The following HCN4 variants were observed in gnomAD, a reference collection of about 807,000 sequenced individuals.
HCN4 encodes the protein potassium/sodium hyperpolarization-activated cyclic nucleotide-gated channel 4.
Under a neutral mutation model 76.9 loss-of-function variants are expected in HCN4, and 29 were observed. The observed-to-expected ratio is 0.38, with a 90% CI of 0.28 to 0.51. The LOEUF (loss-of-function observed/expected upper bound fraction) is 0.51, where lower values mean the gene tolerates loss of function less well. HCN4 is among the 20% of genes least tolerant of loss of function. The pLI is 0.90. For missense variants in HCN4, 1,416 were observed against 1,715.2 expected, an observed-to-expected ratio of 0.83 and a Z score of 3.08; for synonymous variants, 772 against 762.5, an observed-to-expected ratio of 1.01 and a Z score of -0.21.
In HCN4 at chr15:73,367,575, C is replaced by A; in HGVS notation, c.696G>T (p.Arg232Ser). Reference sequence around the variant, plus strand: ...CCACGGCTTTCTGGCTGCCGAACATCCTTAGGGAGAATTTGTTGACCCCGG... The same window carrying A: ...CCACGGCTTTCTGGCTGCCGAACATACTTAGGGAGAATTTGTTGACCCCGG... ...LQPGVNKFSL[R>S]MFGSQKAVER... is the part of the protein sequence containing the mutation. The change falls in exon 1 of 8, where the codon AGG becomes AGT. Residue 232 changes from arginine to serine, a missense_variant. By Grantham distance (110) the Arg-to-Ser change is moderately radical. Around this residue, in one of 6 missense-constraint regions of HCN4, gnomAD observed 52 missense variants for 129.1 expected, o/e 0.40. Transcript: ENST00000261917. This position sits in a 1 kb window ranked among gnomAD's most constrained non-coding sequence, Gnocchi z 7.5. The A allele has an allele frequency of 6.2e-7, 1 of 1,614,018 alleles. No individual in the cohort carries two copies. Among genetic ancestry groups the A allele is most frequent in the Non-Finnish European group, 8.5e-7 (1 of 1,180,030 alleles).
At chr15:73,336,288 G>A (rs955552280) in intron 2 of HCN4, among the ~76,000 whole-genome samples, 1 of 152,096 alleles carries the variant, frequency 6.6e-6, no homozygotes, top group Non-Finnish European at 1.5e-5. Context: ...CAAAGTCTAG[G>A]GCATCTCTGG....
chr15:73,326,446 G>C (rs538635906), intron 4 of HCN4, among the ~76,000 whole-genome samples: 156 of 152,346 alleles, frequency 1.0e-3, no homozygotes, highest in Middle Eastern at 0.01. Flanking sequence ...CCAGGGGACA[G>C]TGACTTCCTG....
intron 3 of HCN4, among the ~76,000 whole-genome samples, chr15:73,331,155 G>A (rs1417735808): frequency 6.6e-6 from 1 of 152,184 alleles, no homozygotes; most frequent in Admixed American, 6.5e-5. Flanking sequence ...GATCCAGGGT[G>A]TCTTCTGTCC....
chr15:73,356,379 T>C lies in HCN4; in HGVS notation c.785+11107A>G, dbSNP rs1373669596. On this transcript the variant is annotated intron_variant, in intron 1 of 7. Transcript: ENST00000261917. The stretch of plus-strand genomic sequence containing the variant: ...ATTTTTCTTTCTTTTCTTTTCTTTT[T>C]TTTTTTTTTTTTTTGTAGAGGTAGG... 9.0e-3 allele frequency among the ~76,000 whole-genome samples: 1,304 copies of C among 144,188 alleles called. 16 individuals carry two copies. Among genetic ancestry groups the C allele is most frequent in the African/African-American group, 0.031 (1,213 of 38,988 alleles). The allele number at this position is 144,188 out of a possible 152,430, so 94.6% of individuals were successfully genotyped here.
At position 73,368,389 on chromosome 15, in the gene HCN4, G is replaced by A. The variant is rs1369692164; in HGVS notation, c.-119C>T. 4.7e-6 allele frequency: 3 copies of A among 641,160 alleles called. No homozygotes were observed. The highest frequency in any genetic ancestry group is 3.9e-5 in the African/African-American group (2 of 51,578). The allele number at this position is 641,160 out of a possible 1,614,324, so 39.7% of individuals were successfully genotyped here. A position where few individuals can be genotyped will look rare whatever the true frequency, so the allele number is the denominator to read the frequency against. ...GACGCGTCCTTTGCCGCCGGCGTGGGGGCAGCCTCAGGCGCCCATGCTTGG... is the reference window on the plus strand; with the variant it reads ...GACGCGTCCTTTGCCGCCGGCGTGGAGGCAGCCTCAGGCGCCCATGCTTGG... On this transcript the variant is annotated 5_prime_UTR_variant, in exon 1 of 8. Transcript: ENST00000261917. This position sits in a 1 kb window ranked among gnomAD's most constrained non-coding sequence, Gnocchi z 6.9.
chr15:73,324,394 A>T, intron 6 of HCN4, 141 bp from the exon 7 acceptor site: 1 of 853,468 alleles, frequency 1.2e-6, no homozygotes, highest in Non-Finnish European at 1.9e-6. Flanking sequence ...CTGCGGCCAC[A>T]CTGGATGCCT....
chr15:73,366,362 G>C (rs2151227958), intron 1 of HCN4, among the ~76,000 whole-genome samples: 1 of 152,220 alleles, frequency 6.6e-6, no homozygotes, highest in South Asian at 2.1e-4. Flanking sequence ...CATTTTTATA[G>C]GCAGGCAACT....
In HCN4 at chr15:73,320,045, T is replaced by C. The variant is rs1379967032; in HGVS notation, c.*2436A>G. The stretch of plus-strand genomic sequence containing the variant: ...AGAGCTATTATAAAATGCATGTGTG[T>C]GTAAGTAGAGAAGAGGGTGGTTAGG... On this transcript the variant is annotated 3_prime_UTR_variant, in exon 8 of 8. Coordinates refer to ENST00000261917, the MANE Select transcript of HCN4 (RefSeq NM_005477.3). The C allele has an allele frequency of 1.3e-5, 2 of 152,176 alleles. No homozygotes were observed. Among genetic ancestry groups the C allele is most frequent in the Non-Finnish European group, 2.9e-5 (2 of 68,108 alleles). 9.4% of individuals were successfully genotyped at this position (152,176 alleles called of 1,614,324 possible). A position where few individuals can be genotyped will look rare whatever the true frequency, so the allele number is the denominator to read the frequency against.
intron 1 of HCN4, among the ~76,000 whole-genome samples, chr15:73,366,609 C>G (rs2043129471): frequency 6.6e-6 from 1 of 152,196 alleles, no homozygotes; most frequent in Non-Finnish European, 1.5e-5. Context: ...CACAAGCTCC[C>G]AGTGGTATCT....
At chr15:73,348,952 C>T (rs540655661) in intron 1 of HCN4, among the ~76,000 whole-genome samples, 1 of 152,346 alleles carries the variant, frequency 6.6e-6, no homozygotes, top group African/African-American at 2.4e-5. Flanking sequence ...TCATCCTCCT[C>T]AAAGCTGAAT....
intron 1 of HCN4, among the ~76,000 whole-genome samples, chr15:73,352,142 G>A (rs967792933): frequency 1.3e-5 from 2 of 152,188 alleles, no homozygotes; most frequent in Admixed American, 6.5e-5. Context: ...CTCTGAAGTC[G>A]GCGCAGTACC....
chr15:73,366,738 G>A (rs2043129962), intron 1 of HCN4, among the ~76,000 whole-genome samples: 1 of 152,246 alleles, frequency 6.6e-6, no homozygotes, highest in African/African-American at 2.4e-5. Flanking sequence ...AGCAGATGCT[G>A]GAGCTTGGGT....
At chr15:73,364,237 G>A (rs913201474) in intron 1 of HCN4, among the ~76,000 whole-genome samples, 5 of 151,926 alleles carry the variant, frequency 3.3e-5, no homozygotes, top group Non-Finnish European at 5.9e-5. Context: ...CAGAACTGAC[G>A]TTCCACACAG....
Position 73,325,574 on chromosome 15 carries a change from A to G in HCN4, c.1591-130T>C. ...TTTCCTGGCTAAACTTGGTTCCTTG[A>G]GATCTGAGGTCTACAGTGTGGAAAT... On this transcript the variant is annotated intron_variant, in intron 4 of 7. Coordinates refer to ENST00000261917, the MANE Select transcript of HCN4 (RefSeq NM_005477.3). The surrounding 1 kb of genome is among the most constrained non-coding windows in gnomAD (Gnocchi z 7.4). 1 of 903,618 alleles carries G rather than the reference A, an allele frequency of 1.1e-6. No individual in the cohort carries two copies. Among genetic ancestry groups the G allele is most frequent in the East Asian group, 2.5e-5 (1 of 40,456 alleles). 56.0% of individuals were successfully genotyped at this position (903,618 alleles called of 1,614,324 possible).
intron 2 of HCN4, among the ~76,000 whole-genome samples, chr15:73,337,043 G>A (rs2042970699): frequency 2.0e-5 from 3 of 152,284 alleles, no homozygotes; most frequent in South Asian, 2.1e-4. Flanking sequence ...CTTGCCCCAG[G>A]CCCTCAGTAC....
intron 2 of HCN4, chr15:73,335,751 G>C (rs1435933171): frequency 6.6e-6 from 1 of 152,296 alleles, no homozygotes; most frequent in Non-Finnish European, 1.5e-5. Context: ...TCTGTGCCAG[G>C]AATGCTGGGT....
rs921908829 is a variant in HCN4, at chr15:73,320,270, G to A, written c.*2211C>T. The A allele has an allele frequency of 6.6e-6, 1 of 152,258 alleles. No homozygotes were observed. The highest frequency in any genetic ancestry group is 2.4e-5 in the African/African-American group (1 of 41,448). The allele number at this position is 152,258 out of a possible 1,614,324, so 9.4% of individuals were successfully genotyped here. A position where few individuals can be genotyped will look rare whatever the true frequency, so the allele number is the denominator to read the frequency against. On this transcript the variant is annotated 3_prime_UTR_variant, in exon 8 of 8. Transcript: ENST00000261917. ...TCAGAACTCCTGAGCCAGCACAGTAGAGACCAGTACTAGGCGGCGTCTAGT... is the reference window on the plus strand; with the variant it reads ...TCAGAACTCCTGAGCCAGCACAGTAAAGACCAGTACTAGGCGGCGTCTAGT...
Position 73,362,164 on chromosome 15 carries a change from C to T in HCN4, c.785+5322G>A, listed in dbSNP as rs1028899598. On this transcript the variant is annotated intron_variant, in intron 1 of 7. Coordinates refer to ENST00000261917, the MANE Select transcript of HCN4 (RefSeq NM_005477.3). ...CAGCAGTGCAGGAAAGGAGGAAGAG[C>T]AAGCTATGAATCCCACATCCCCACA... Among the ~76,000 whole-genome samples, 46 of 152,238 alleles carry T rather than the reference C, an allele frequency of 3.0e-4. 1 individual carries two copies. Among genetic ancestry groups the T allele is most frequent in the Admixed American group, 3.0e-3 (46 of 15,290 alleles).
At chr15:73,332,330 A>G (rs770471255) in intron 2 of HCN4, 38 bp from the exon 3 acceptor site, 5 of 1,608,186 alleles carry the variant, frequency 3.1e-6, no homozygotes, top group East Asian at 2.2e-5. Context: ...GGGATAGGTG[A>G]GTGGCCAGGA....
Sources: gnomAD v4.1 joint callset for allele counts (sites outside exome capture counted in the v4.1 genomes callset) on GRCh38, gnomAD v4.1.1 for gene constraint, gnomAD v4.1.1 regional missense constraint, Gnocchi (gnomAD v3.1) non-coding constraint, MANE v1.5 for transcripts, NCBI Gene and HGNC (gene_info 2026-07-23, HGNC 2026-07-21) for gene names.